MS4A5: variants seen among roughly 807,000 people sequenced by gnomAD.
MS4A5 encodes the protein membrane-spanning 4-domains subfamily A member 5.
In MS4A5, 15 loss-of-function variants were observed where a neutral mutation model predicts 18.2. The observed-to-expected ratio is 0.83, with a 90% confidence interval of 0.55 to 1.27. MS4A5 has a LOEUF of 1.27. MS4A5 is among the 50% of genes most tolerant of loss of function. The pLI is 0.00. For synonymous variants in MS4A5, 89 were observed against 78.7 expected, an observed-to-expected ratio of 1.13 and a Z score of -0.69; for missense variants, 232 against 225.7, an observed-to-expected ratio of 1.03 and a Z score of -0.18.
rs554471877 is a variant in MS4A5, at chr11:60,432,456, A to G, written c.328A>G (p.Thr110Ala). The change falls in exon 3 of 5, where the codon ACA becomes GCA. Residue 110 changes from threonine (T) to alanine (A), a missense_variant. Thr to Ala is a moderately conservative substitution (Grantham distance 58). Coordinates refer to ENST00000300190, the MANE Select transcript of MS4A5 (RefSeq NM_023945.3). Reference sequence around the variant, plus strand: ...CCTAATTGCAGTGAAAAGAAAAACCACAGAAACTCTGGTGAGTTATATTCT... The same window carrying G: ...CCTAATTGCAGTGAAAAGAAAAACCGCAGAAACTCTGGTGAGTTATATTCT... ...AFLIAVKRKT[T>A]ETLIILSRIM... 2.3e-5 allele frequency: 36 copies of G among 1,588,162 alleles called. No individual in the cohort carries two copies. The Admixed American group carries it at 2.7e-4, about 12-fold the overall frequency.
At position 60,435,928 on chromosome 11, in the gene MS4A5, C is replaced by T. The variant is rs528323282; in HGVS notation, c.492+2011C>T. Among the ~76,000 whole-genome samples the T allele has an allele frequency of 7.5e-4, 115 of 152,356 alleles. 1 individual carries two copies. The highest frequency in any genetic ancestry group is 2.7e-3 in the African/African-American group (112 of 41,588). ...GGAAGCTCCAACTGGGTGGATCCCA[C>T]GACAGCTCAAGGAGGCCTGCCTGCC... On this transcript the variant is annotated intron_variant, in intron 4 of 4. Transcript: ENST00000300190.
chr11:60,447,174 G>C (rs1483748697), intron 4 of MS4A5, among the ~76,000 whole-genome samples: 3 of 150,426 alleles, frequency 2.0e-5, no homozygotes, highest in Non-Finnish European at 4.4e-5. Context: ...CCTATGTTAT[G>C]CTATGCTATG....
Position 60,429,816 on chromosome 11 carries a change from A to G in MS4A5, c.142A>G (p.Lys48Glu). 3 of 1,613,760 alleles carry G rather than the reference A, an allele frequency of 1.9e-6. No individual in the cohort carries two copies. The South Asian group carries it at 3.3e-5, about 18-fold the overall frequency. The change falls in exon 1 of 5, where the codon AAA becomes GAA. Residue 48 changes from lysine to glutamate, a missense_variant. By Grantham distance (56) the Lys-to-Glu change is moderately conservative. Coordinates refer to ENST00000300190, the MANE Select transcript of MS4A5 (RefSeq NM_023945.3). ...PLQKLFARKM[K>E]ILGTIQILFG... ...GCAAAAATTATTTGCTAGAAAAATG[A>G]AAATCTTAGGGGTAAGTAAGACTTG...
intron 4 of MS4A5, among the ~76,000 whole-genome samples, chr11:60,443,094 C>T (rs571743553): frequency 6.6e-6 from 1 of 152,218 alleles, no homozygotes; most frequent in African/African-American, 2.4e-5. Flanking sequence ...TGAGCCGGGA[C>T]TGCACCACTG....
At chr11:60,430,455 C>A (rs2086042307) in intron 1 of MS4A5, among the ~76,000 whole-genome samples, 2 of 152,142 alleles carry the variant, frequency 1.3e-5, no homozygotes, top group South Asian at 4.1e-4. Context: ...AACTGAAGAA[C>A]TTATGAAGAC....
In MS4A5 at chr11:60,438,312, G is replaced by A. The variant is rs930662031; in HGVS notation, c.492+4395G>A. Among the ~76,000 whole-genome samples the A allele has an allele frequency of 3.3e-4, 50 of 152,292 alleles. 1 individual carries two copies. The highest frequency in any genetic ancestry group is 5.4e-4 in the Non-Finnish European group (37 of 68,024). ...AATTTAAAGCACTAAATGCCCACAA[G>A]AGAAAGCAGGAAAGATCCAAAATTG... is the stretch of plus-strand genomic sequence containing the variant. On this transcript the variant is annotated intron_variant, in intron 4 of 4. Transcript: ENST00000300190.
intron 4 of MS4A5, among the ~76,000 whole-genome samples, chr11:60,439,008 T>C (rs2086096178): frequency 1.4e-5 from 1 of 74,070 alleles, no homozygotes; most frequent in African/African-American, 5.7e-5. Flanking sequence ...TGATGAACAT[T>C]GATGCAAAAA....
chr11:60,446,004 T>C (rs1323848277), intron 4 of MS4A5, among the ~76,000 whole-genome samples: 1 of 152,168 alleles, frequency 6.6e-6, no homozygotes, highest in Non-Finnish European at 1.5e-5. Flanking sequence ...CAGATGTCTA[T>C]CTCTACAGTA....
chr11:60,432,266 T>C, intron 2 of MS4A5, 145 bp from the exon 3 acceptor site: 2 of 468,504 alleles, frequency 4.3e-6, no homozygotes, highest in Admixed American at 7.9e-5. Flanking sequence ...GAAAGTCATA[T>C]AAAGCAACTC....
At chr11:60,431,133 G>A (rs1196347370) in intron 2 of MS4A5, among the ~76,000 whole-genome samples, 1 of 152,174 alleles carries the variant, frequency 6.6e-6, no homozygotes, top group Non-Finnish European at 1.5e-5. Flanking sequence ...TACTTCTTTT[G>A]AGGCTTGCAG....
intron 4 of MS4A5, among the ~76,000 whole-genome samples, chr11:60,447,409 G>A (rs1286266288): frequency 6.6e-6 from 1 of 151,992 alleles, no homozygotes; most frequent in African/African-American, 2.4e-5. Context: ...GCTGTACTAT[G>A]CTATGCTATC....
intron 4 of MS4A5, among the ~76,000 whole-genome samples, chr11:60,435,125 T>C (rs11820229): frequency 0.27 from 40,491 of 152,100 alleles, 5,909 homozygotes; most frequent in Admixed American, 0.39. Context: ...GGCAAGAATG[T>C]TTTACCTGAA....
chr11:60,443,803 C>T (rs978765566), intron 4 of MS4A5, among the ~76,000 whole-genome samples: 8 of 152,006 alleles, frequency 5.3e-5, no homozygotes, highest in African/African-American at 1.9e-4. Flanking sequence ...ACTATCAATA[C>T]AATAGCCAAG....
At chr11:60,445,271 T>G (rs2086132988) in intron 4 of MS4A5, among the ~76,000 whole-genome samples, 1 of 152,100 alleles carries the variant, frequency 6.6e-6, no homozygotes, top group East Asian at 1.9e-4. Context: ...TCTTCTTTTT[T>G]TTTTTTGAGA....
chr11:60,430,799 A>C lies in MS4A5; in HGVS notation c.157A>C (p.Ile53Leu). 6.2e-7 allele frequency: 1 copy of C among 1,612,668 alleles called. No homozygotes were observed. The highest frequency in any genetic ancestry group is 8.5e-7 in the Non-Finnish European group (1 of 1,179,834). ...FARKMKILGT[I>L]QILFGIMTFS... is the part of the protein sequence containing the mutation. ...TGACTTTTTCCTCTATTTGCAGACTATCCAGATCCTGTTTGGAATTATGAC... is the reference window on the plus strand; with the variant it reads ...TGACTTTTTCCTCTATTTGCAGACTCTCCAGATCCTGTTTGGAATTATGAC... The change falls in exon 2 of 5, where the codon ATC becomes CTC. Residue 53 changes from isoleucine (I) to leucine (L), a missense_variant. Physicochemically the swap from Ile to Leu is conservative, Grantham distance 5. Transcript: ENST00000300190.
chr11:60,440,011 C>T (rs12420621), intron 4 of MS4A5, among the ~76,000 whole-genome samples: 26,099 of 137,380 alleles, frequency 0.19, 3,300 homozygotes, highest in Non-Finnish European at 0.26. Flanking sequence ...CATCACACTA[C>T]CTGACTTCAA....
intron 4 of MS4A5, among the ~76,000 whole-genome samples, chr11:60,447,307 G>GTGCTGTGCTA (rs1326789017): frequency 2.1e-5 from 3 of 139,644 alleles, no homozygotes; most frequent in Non-Finnish European, 1.5e-5. Flanking sequence ...ATCCTATGCT[G>GTGCTGTGCTA]TGCTATGCTA....
intron 3 of MS4A5, among the ~76,000 whole-genome samples, chr11:60,433,500 A>G (rs1394012531): frequency 6.6e-6 from 1 of 152,208 alleles, no homozygotes; most frequent in African/African-American, 2.4e-5. Context: ...TTACAGGCAC[A>G]CCCTTCCTCC....
chr11:60,437,986 C>T (rs2135175486), intron 4 of MS4A5, among the ~76,000 whole-genome samples: 1 of 152,248 alleles, frequency 6.6e-6, no homozygotes, highest in Admixed American at 6.5e-5. Context: ...TTCAGCACCA[C>T]ACCACACCTA....
Sources: gnomAD v4.1 joint callset for allele counts (sites outside exome capture counted in the v4.1 genomes callset) on GRCh38, gnomAD v4.1.1 for gene constraint, MANE v1.5 for transcripts, NCBI Gene and HGNC (gene_info 2026-07-23, HGNC 2026-07-21) for gene names.